Variants in HOXB6 observed in about 807,000 individuals in gnomAD.
The protein encoded by HOXB6 is homeobox protein Hox-B6.
Under a neutral mutation model 24.2 loss-of-function variants are expected in HOXB6, and 18 were observed. That is an observed-to-expected ratio of 0.74 (90% CI 0.51 to 1.10). HOXB6 has a LOEUF of 1.10. Among genes scored for constraint, HOXB6 ranks in the 50% least tolerant of loss-of-function variants. The pLI, the probability that HOXB6 is intolerant of heterozygous loss-of-function variation, is 0.00. For synonymous variants in HOXB6, 159 were observed against 139.1 expected, an observed-to-expected ratio of 1.14 and a Z score of -1.01; for missense variants, 332 against 308.3, an observed-to-expected ratio of 1.08 and a Z score of -0.58.
Position 48,596,688 on chromosome 17 carries a change from G to A in HOXB6, c.416-16C>T. The stretch of plus-strand genomic sequence containing the variant: ...AAGGAGGAACCTGTTACGCAGAGTG[G>A]AGATGCTGAGGCCTGCGGTCACCGG... On this transcript the variant is annotated splice_polypyrimidine_tract_variant and intron_variant, in intron 3 of 3. Transcript: ENST00000225648. This position sits in a 1 kb window ranked among gnomAD's most constrained non-coding sequence, Gnocchi z 4.8. 1.2e-6 allele frequency: 2 copies of A among 1,610,276 alleles called. No homozygotes were observed. The highest frequency in any genetic ancestry group is 1.7e-6 in the Non-Finnish European group (2 of 1,180,004).
At position 48,596,858 on chromosome 17, in the gene HOXB6, C is replaced by T. The variant is rs576238098; in HGVS notation, c.416-186G>A. 1.2e-4 allele frequency: 154 copies of T among 1,265,686 alleles called. No individual in the cohort carries two copies. The African/African-American group carries it at 1.9e-3, about 16-fold the overall frequency. 78.4% of individuals were successfully genotyped at this position (1,265,686 alleles called of 1,614,324 possible). Reference sequence around the variant, plus strand: ...CCCTCCTAGTCTCCTAGGCCTGTGCCGTCTGTCTAGACTCTAGATGGGGGA... The same window carrying T: ...CCCTCCTAGTCTCCTAGGCCTGTGCTGTCTGTCTAGACTCTAGATGGGGGA... On this transcript the variant is annotated intron_variant, in intron 3 of 3. Coordinates refer to ENST00000225648, the MANE Select transcript of HOXB6 (RefSeq NM_018952.5). This position sits in a 1 kb window ranked among gnomAD's most constrained non-coding sequence, Gnocchi z 4.8.
chr17:48,599,559 C>T (rs1388705909), intron 2 of HOXB6, among the ~76,000 whole-genome samples: 1 of 152,220 alleles, frequency 6.6e-6, no homozygotes, highest in East Asian at 1.9e-4. Context: ...GTCTGTATCT[C>T]AGCATCGCTA....
rs2070294117 is a variant in HOXB6 at position 48,596,444 on chromosome 17, G to T, written c.644C>A (p.Ala215Asp). The change falls in exon 4 of 4, where the codon GCC becomes GAC. Residue 215 changes from alanine to aspartate, a missense_variant. By Grantham distance (126) the Ala-to-Asp change is moderately radical (BLOSUM62 -2). Transcript: ENST00000225648. This position sits in a 1 kb window ranked among gnomAD's most constrained non-coding sequence, Gnocchi z 4.8. ...GGCCTGTTTTTCTTCCTCCTCCTCG[G>T]CACTGAGCTGAGACGCGCTGAGCAG... ...SKLLSASQLS[A>D]EEEEEKQAE The T allele has an allele frequency of 6.2e-7, 1 of 1,614,154 alleles. No homozygotes were observed. Among genetic ancestry groups the T allele is most frequent in the Non-Finnish European group, 8.5e-7 (1 of 1,180,024 alleles).
In HOXB6 at chr17:48,595,804, TATCATCATCATCATC is replaced by T. The variant is rs35307473; in HGVS notation, c.*594_*608del. 1.0e-5 allele frequency: 2 copies of T among 190,556 alleles called. No homozygotes were observed. The highest frequency in any genetic ancestry group is 5.7e-5 in the Admixed American group (1 of 17,660). The allele number at this position is 190,556 out of a possible 1,614,324, so 11.8% of individuals were successfully genotyped here. On this transcript the variant is annotated 3_prime_UTR_variant, in exon 4 of 4. Transcript: ENST00000225648. ...TTGTTGTTGTTATTATTATTATTATTATCATCATCATCATCATCATCATCATCGAAGTATTTCACG... is the reference window on the plus strand; with the variant it reads ...TTGTTGTTGTTATTATTATTATTATTATCATCATCATCGAAGTATTTCACG...
chr17:48,601,383 G>GT (rs1204877687), intron 2 of HOXB6: 2 of 151,694 alleles, frequency 1.3e-5, no homozygotes, highest in Admixed American at 6.5e-5. Flanking sequence ...CTTTAGGGGA[G>GT]TGAGCAGTAG....
At chr17:48,597,587 C>T (rs2070338542) in intron 3 of HOXB6, 149 bp downstream of exon 3, 2 of 841,260 alleles carry the variant, frequency 2.4e-6, no homozygotes, top group Non-Finnish European at 3.8e-6. Flanking sequence ...GAGAGACCCC[C>T]GGCCGGCGCC....
intron 2 of HOXB6, among the ~76,000 whole-genome samples, chr17:48,603,307 C>G (rs1381423393): frequency 1.3e-5 from 2 of 152,122 alleles, no homozygotes; most frequent in African/African-American, 2.4e-5. Context: ...CTACTTCCAC[C>G]CCACGAGCTA....
Position 48,596,610 on chromosome 17 carries a change from C to T in HOXB6, c.478G>A (p.Glu160Lys). 1 of 1,614,206 alleles carries T rather than the reference C, an allele frequency of 6.2e-7. No individual in the cohort carries two copies. The highest frequency in any genetic ancestry group is 8.5e-7 in the Non-Finnish European group (1 of 1,180,052). ...RQTYTRYQTL[E>K]LEKEFHYNRY... ...TTGTAGTGAAACTCCTTCTCCAGCT[C>T]CAGCGTCTGGTAACGTGTGTATGTC... The change falls in exon 4 of 4, where the codon GAG becomes AAG. Residue 160 changes from glutamate (E) to lysine (K), a missense_variant. Transcript: ENST00000225648. The surrounding 1 kb of genome is among the most constrained non-coding windows in gnomAD (Gnocchi z 4.8).
chr17:48,599,950 T>C (rs183247145), intron 2 of HOXB6, among the ~76,000 whole-genome samples: 1 of 152,146 alleles, frequency 6.6e-6, no homozygotes, highest in Non-Finnish European at 1.5e-5. Context: ...GGTGGGAACT[T>C]ATTTGGTTGC....
intron 2 of HOXB6, chr17:48,602,152 T>A (rs1281907924): frequency 2.2e-6 from 1 of 455,936 alleles, no homozygotes; most frequent in Non-Finnish European, 4.4e-6. Flanking sequence ...TTCCAGAAAA[T>A]TCGGTTCAAT....
At chr17:48,597,322 C>A (rs1262173536) in intron 3 of HOXB6, among the ~76,000 whole-genome samples, 1 of 152,142 alleles carries the variant, frequency 6.6e-6, no homozygotes, top group Non-Finnish European at 1.5e-5. Flanking sequence ...TTCAGCGTCA[C>A]CCCCTACCCC....
In HOXB6 at chr17:48,596,513, A is replaced by G; in HGVS notation, c.575T>C (p.Ile192Thr). Residue 192 changes from isoleucine (I) to threonine (T), a missense_variant, in exon 4 of 4, where the codon ATA becomes ACA. Ile to Thr is a moderately conservative substitution (Grantham distance 89). Coordinates refer to ENST00000225648, the MANE Select transcript of HOXB6 (RefSeq NM_018952.5). The surrounding 1 kb of genome is among the most constrained non-coding windows in gnomAD (Gnocchi z 4.8). ...ALCLTERQIK[I>T]WFQNRRMKWK... The stretch of plus-strand genomic sequence containing the variant: ...CTTCATGCGTCGGTTCTGGAACCAT[A>G]TCTTGATCTGCCTCTCCGTCAGGCA... 6.2e-7 allele frequency: 1 copy of G among 1,614,156 alleles called. No individual in the cohort carries two copies.
chr17:48,604,840 G>GCT (rs2070545648), intron 1 of HOXB6, 22 bp downstream of exon 1: 1 of 146,624 alleles, frequency 6.8e-6, no homozygotes, highest in African/African-American at 2.6e-5. Context: ...TCCCTCTCGC[G>GCT]CTCTCTCTCT....
intron 2 of HOXB6, 55 bp downstream of exon 2, chr17:48,604,425 C>T (rs2070537105): frequency 6.6e-6 from 1 of 152,564 alleles, no homozygotes; most frequent in South Asian, 2.1e-4. Flanking sequence ...GCCCCACCCC[C>T]ACCCTACAAA....
intron 2 of HOXB6, chr17:48,602,349 C>G: frequency 5.1e-6 from 2 of 395,526 alleles, no homozygotes; most frequent in Non-Finnish European, 1.0e-5. Flanking sequence ...TCGGATGTCT[C>G]AAGCGGCCTC....
chr17:48,600,363 G>A, intron 2 of HOXB6: 2 of 438,368 alleles, frequency 4.6e-6, no homozygotes, highest in East Asian at 7.0e-5. Flanking sequence ...TGGTGAGGAA[G>A]GGAGCATTTC....
intron 2 of HOXB6, chr17:48,602,415 T>C (rs1394800468): frequency 2.8e-6 from 1 of 362,638 alleles, no homozygotes; most frequent in African/African-American, 2.1e-5. Flanking sequence ...GGGTGTCGGC[T>C]CTGATCCCTC....
chr17:48,596,743 C>A lies in HOXB6; in HGVS notation c.416-71G>T. Reference sequence around the variant, plus strand: ...AGGACCCCCTCCCCTAGTCGACCCTCGAACACAGACTCCAGCCAGTACCGG... The same window carrying A: ...AGGACCCCCTCCCCTAGTCGACCCTAGAACACAGACTCCAGCCAGTACCGG... On this transcript the variant is annotated intron_variant, in intron 3 of 3. Transcript: ENST00000225648. The surrounding 1 kb of genome is among the most constrained non-coding windows in gnomAD (Gnocchi z 4.8). 6.3e-7 allele frequency: 1 copy of A among 1,592,028 alleles called. No individual in the cohort carries two copies. The highest frequency in any genetic ancestry group is 8.5e-7 in the Non-Finnish European group (1 of 1,174,034).
At position 48,596,272 on chromosome 17, in the gene HOXB6, G is replaced by A. The variant is rs1160546584; in HGVS notation, c.*141C>T. On this transcript the variant is annotated 3_prime_UTR_variant, in exon 4 of 4. Transcript: ENST00000225648. This position sits in a 1 kb window ranked among gnomAD's most constrained non-coding sequence, Gnocchi z 4.8. ...GCTGTGCGGGCGGGGGCGTCCAGGA[G>A]AGCGCTGGGCCCCGCCTGTCTGCGC... 1.5e-6 allele frequency: 2 copies of A among 1,346,204 alleles called. No homozygotes were observed. The highest frequency in any genetic ancestry group is 1.4e-5 in the African/African-American group (1 of 69,914). 83.4% of individuals were successfully genotyped at this position (1,346,204 alleles called of 1,614,324 possible).
Sources: gnomAD v4.1 joint callset for allele counts (sites outside exome capture counted in the v4.1 genomes callset) on GRCh38, gnomAD v4.1.1 for gene constraint, Gnocchi (gnomAD v3.1) non-coding constraint, MANE v1.5 for transcripts, NCBI Gene and HGNC (gene_info 2026-07-23, HGNC 2026-07-21) for gene names.